Variants in PURG observed in about 807,000 individuals in gnomAD.
PURG encodes purine-rich element-binding protein gamma.
A neutral mutation model predicts 24.3 loss-of-function variants in PURG; 3 were observed. The observed-to-expected ratio is 0.12, with a 90% CI of 0.06 to 0.32. The LOEUF (loss-of-function observed/expected upper bound fraction) is 0.32, where lower values mean the gene tolerates loss of function less well. PURG is among the 10% of genes least tolerant of loss of function. PURG has a pLI of 1.00. For missense variants in PURG, 371 were observed against 439.1 expected, an observed-to-expected ratio of 0.84 and a Z score of 1.39; for synonymous variants, 180 against 173.1, an observed-to-expected ratio of 1.04 and a Z score of -0.31.
chr8:31,013,976 T>C (rs1292471489), intron 1 of PURG, among the ~76,000 whole-genome samples: 2 of 152,154 alleles, frequency 1.3e-5, no homozygotes, highest in African/African-American at 2.4e-5. Flanking sequence ...GCAACACAAC[T>C]CCTTCACTAA....
intron 1 of PURG, among the ~76,000 whole-genome samples, chr8:31,008,823 C>T (rs1312781933): frequency 6.6e-6 from 1 of 152,148 alleles, no homozygotes; most frequent in Non-Finnish European, 1.5e-5. Flanking sequence ...TGGACTTGAA[C>T]CCAGGACTGG....
chr8:31,004,284 T>C (rs1470309803), intron 1 of PURG, among the ~76,000 whole-genome samples: 1 of 152,186 alleles, frequency 6.6e-6, no homozygotes, highest in Non-Finnish European at 1.5e-5. Context: ...TAAAACTGAG[T>C]TCATCAGGTC....
chr8:31,009,135 A>C (rs1810715295), intron 1 of PURG, among the ~76,000 whole-genome samples: 1 of 152,124 alleles, frequency 6.6e-6, no homozygotes, highest in Admixed American at 6.6e-5. Context: ...ACAGAAACAG[A>C]ATAATTCGGA....
chr8:31,026,703 A>T (rs1355826316), downstream of PURG, among the ~76,000 whole-genome samples: 10 of 149,298 alleles, frequency 6.7e-5, no homozygotes, highest in Non-Finnish European at 1.0e-4. Flanking sequence ...CTCTAGAAGG[A>T]TACACAAGAA....
At chr8:31,002,072 T>C (rs1795731837) in intron 1 of PURG, among the ~76,000 whole-genome samples, 1 of 152,208 alleles carries the variant, frequency 6.6e-6, no homozygotes, top group African/African-American at 2.4e-5. Context: ...ATAATCCTCA[T>C]AGCTGCAATC....
At chr8:31,027,359 T>C (rs531836280), downstream of PURG, among the ~76,000 whole-genome samples, 1 of 151,570 alleles carries the variant, frequency 6.6e-6, no homozygotes, top group African/African-American at 2.4e-5. Context: ...ATAGTTCCAA[T>C]GAAAAACATT....
At chr8:31,008,228 T>C (rs924205234) in intron 1 of PURG, among the ~76,000 whole-genome samples, 7 of 152,228 alleles carry the variant, frequency 4.6e-5, no homozygotes, top group African/African-American at 1.7e-4. Context: ...TTAATAATGA[T>C]GTTAACTAAT....
In PURG at chr8:31,031,656, A is replaced by G. The variant is rs1056356003; in HGVS notation, c.*83T>C. On this transcript the variant is annotated 3_prime_UTR_variant, in exon 2 of 2. Coordinates refer to ENST00000523392, the MANE Select transcript of PURG (RefSeq NM_001323311.2). ...TAATAACAACGGGCCAAAAAAGAGGAAAAACTTCTTCAAAGGATAATGGAT... is the reference window on the plus strand; with the variant it reads ...TAATAACAACGGGCCAAAAAAGAGGGAAAACTTCTTCAAAGGATAATGGAT... The G allele has an allele frequency of 4.4e-6, 6 of 1,366,884 alleles. No individual in the cohort carries two copies. The African/African-American group carries it at 5.9e-5, about 13-fold the overall frequency. 84.7% of individuals were successfully genotyped at this position (1,366,884 alleles called of 1,614,324 possible).
intron 1 of PURG, among the ~76,000 whole-genome samples, chr8:31,002,441 C>T (rs563040509): frequency 6.6e-6 from 1 of 151,806 alleles, no homozygotes; most frequent in Non-Finnish European, 1.5e-5. Flanking sequence ...TTTAAACCAC[C>T]ATTACTCCTT....
chr8:31,027,761 A>C (rs961424477), downstream of PURG, among the ~76,000 whole-genome samples: 4 of 151,776 alleles, frequency 2.6e-5, no homozygotes, highest in African/African-American at 9.7e-5. Flanking sequence ...TCAGTAAAGT[A>C]TTATTAAGCA....
intron 1 of PURG, among the ~76,000 whole-genome samples, chr8:31,007,712 T>C (rs1439116896): frequency 6.6e-6 from 1 of 152,088 alleles, no homozygotes; most frequent in Non-Finnish European, 1.5e-5. Context: ...CAAAAAACCA[T>C]CAAAATCGAT....
chr8:31,014,110 AT>A (rs1391205531), intron 1 of PURG, among the ~76,000 whole-genome samples: 7 of 152,214 alleles, frequency 4.6e-5, no homozygotes, highest in African/African-American at 1.7e-4. Context: ...AAAAATCTGA[AT>A]TATTCCAGAT....
At chr8:30,999,060 G>GTA (rs1301627774) in intron 1 of PURG, among the ~76,000 whole-genome samples, 52 of 151,780 alleles carry the variant, frequency 3.4e-4, no homozygotes, top group Non-Finnish European at 3.0e-5. Context: ...ATGTGTATGG[G>GTA]TATATATGTA....
intron 1 of PURG, among the ~76,000 whole-genome samples, chr8:31,020,182 AG>A (rs1312166421): frequency 6.6e-6 from 1 of 152,186 alleles, no homozygotes; most frequent in Non-Finnish European, 1.5e-5. Flanking sequence ...GAGAGGATAC[AG>A]GAAGATGGTA....
At chr8:31,010,260 G>C (rs1810739084) in intron 1 of PURG, among the ~76,000 whole-genome samples, 1 of 152,208 alleles carries the variant, frequency 6.6e-6, no homozygotes, top group Admixed American at 6.5e-5. Flanking sequence ...GCCATGACAA[G>C]ACTTGGGTTA....
In PURG at chr8:31,009,320, G is replaced by T. The variant is rs779001817; in HGVS notation, c.865-12623C>A. Among the ~76,000 whole-genome samples the T allele has an allele frequency of 3.1e-4, 47 of 152,254 alleles. 1 individual carries two copies. Among genetic ancestry groups the T allele is most frequent in the Non-Finnish European group, 5.6e-4 (38 of 68,020 alleles). ...ATACACCTGTAGTCCCAGCTACTCGGGGGGCTAGGGTGGGAGAAGTACTTG... is the reference window on the plus strand; with the variant it reads ...ATACACCTGTAGTCCCAGCTACTCGTGGGGCTAGGGTGGGAGAAGTACTTG... On this transcript the variant is annotated intron_variant, in intron 1 of 1. Coordinates refer to the PURG transcript ENST00000339382.
In PURG at chr8:30,996,631, C is replaced by A. The variant is rs754379218; in HGVS notation, c.931G>T (p.Glu311Ter). 2 of 1,612,056 alleles carry A rather than the reference C, an allele frequency of 1.2e-6. No homozygotes were observed. The highest frequency in any genetic ancestry group is 2.2e-5 in the East Asian group (1 of 44,824). Residue 311 changes from glutamate to a stop codon, truncating the protein, a stop_gained, in exon 2 of 2, where the codon GAA becomes TAA. Transcript: ENST00000339382. LOFTEE classifies it high-confidence loss of function. ...GTTTTTGTAGTATCATGGGGCTGTT[C>A]CTTATGCTTGATTTGACAACAGTGA...
chr8:31,030,963 A>G lies in PURG; in HGVS notation c.*776T>C, dbSNP rs191100603. The G allele has an allele frequency of 2.6e-5, 4 of 152,662 alleles. No homozygotes were observed. Among genetic ancestry groups the G allele is most frequent in the African/African-American group, 9.6e-5 (4 of 41,566 alleles). The allele number at this position is 152,662 out of a possible 1,614,324, so 9.5% of individuals were successfully genotyped here. Reference sequence around the variant, plus strand: ...GCCATTGGATGAAGCCTCCCACTCAATGTGACATAAAAGTAATTCCTGAAA... The same window carrying G: ...GCCATTGGATGAAGCCTCCCACTCAGTGTGACATAAAAGTAATTCCTGAAA... On this transcript the variant is annotated 3_prime_UTR_variant, in exon 2 of 2. Transcript: ENST00000523392.
intron 1 of PURG, among the ~76,000 whole-genome samples, chr8:30,998,787 C>G (rs1159942242): frequency 6.6e-6 from 1 of 151,748 alleles, no homozygotes; most frequent in Non-Finnish European, 1.5e-5. Flanking sequence ...CCATGGCAAA[C>G]AGGGCCATCA....
Sources: allele counts gnomAD v4.1 joint callset (sites outside exome capture counted in the v4.1 genomes callset), GRCh38; gene constraint gnomAD v4.1.1; transcripts MANE v1.5; gene names NCBI Gene and HGNC (gene_info 2026-07-23, HGNC 2026-07-21).